Variants in SLC35D4 observed in about 807,000 individuals in gnomAD.
SLC35D4 encodes UDP-N-acetylglucosamine transporter SLC35D4.
At chr18:23,377,145 G>C in the SLC35D4 span, among the ~76,000 whole-genome samples, 1 of 152,198 alleles carries the variant, frequency 6.6e-6, no homozygotes, top group Non-Finnish European at 1.5e-5. Context: ...ACCGGGGTCT[G>C]CATGACAGGA....
the SLC35D4 span, among the ~76,000 whole-genome samples, chr18:23,268,170 A>C: frequency 6.6e-6 from 1 of 152,234 alleles, no homozygotes; most frequent in South Asian, 2.1e-4. Flanking sequence ...GTCCTGAACT[A>C]AAGTCAAGAC....
chr18:23,364,933 A>AAAAAAAAAAAAT, the SLC35D4 span, among the ~76,000 whole-genome samples: 78 of 15,782 alleles, frequency 4.9e-3, 16 homozygotes, highest in African/African-American at 0.015. Flanking sequence ...AAAAAAAAAA[A>AAAAAAAAAAAAT]GGACTCCTTT....
chr18:23,385,179 A>G, the SLC35D4 span: 3 of 923,444 alleles, frequency 3.2e-6, no homozygotes, highest in East Asian at 5.4e-5. Context: ...TGGCATCCAC[A>G]TATATAATCA....
At chr18:23,427,489 G>C in the SLC35D4 span, among the ~76,000 whole-genome samples, 1 of 152,064 alleles carries the variant, frequency 6.6e-6, no homozygotes, top group African/African-American at 2.4e-5. Context: ...ACACCAGTTA[G>C]AATGGCGATC....
chr18:23,260,905 G>A, the SLC35D4 span, among the ~76,000 whole-genome samples: 1 of 152,148 alleles, frequency 6.6e-6, no homozygotes, highest in Non-Finnish European at 1.5e-5. Flanking sequence ...TTCAAAGCTG[G>A]AAAAGAAGAA....
chr18:23,325,987 G>C, the SLC35D4 span, among the ~76,000 whole-genome samples: 2 of 152,356 alleles, frequency 1.3e-5, no homozygotes, highest in East Asian at 3.9e-4. Flanking sequence ...ATGCATTTCA[G>C]AATCCCCTTG....
chr18:23,313,445 G>A, the SLC35D4 span, among the ~76,000 whole-genome samples: 1 of 151,898 alleles, frequency 6.6e-6, no homozygotes, highest in Admixed American at 6.6e-5. Flanking sequence ...GGCTTACAAA[G>A]GAATGCACTG....
the SLC35D4 span, among the ~76,000 whole-genome samples, chr18:23,263,476 GA>G: frequency 2.6e-5 from 4 of 152,246 alleles, no homozygotes; most frequent in Non-Finnish European, 4.4e-5. Flanking sequence ...GAAATGTTTG[GA>G]AAACTTGCTT....
the SLC35D4 span, among the ~76,000 whole-genome samples, chr18:23,404,722 T>C: frequency 1.7e-3 from 258 of 148,842 alleles, 1 homozygote; most frequent in African/African-American, 6.1e-3. Context: ...CTCACACTGG[T>C]AATCCCAGCA....
the SLC35D4 span, among the ~76,000 whole-genome samples, chr18:23,368,930 C>A: frequency 6.6e-6 from 1 of 152,184 alleles, no homozygotes; most frequent in Admixed American, 6.5e-5. Context: ...TTAAATCACA[C>A]ACATTTTCAC....
At chr18:23,358,511 C>T in the SLC35D4 span, among the ~76,000 whole-genome samples, 143 of 152,202 alleles carry the variant, frequency 9.4e-4, no homozygotes, top group African/African-American at 3.2e-3. Context: ...AAAACTGACC[C>T]CATAATGAGA....
At chr18:23,340,924 A>T in the SLC35D4 span, among the ~76,000 whole-genome samples, 1 of 152,230 alleles carries the variant, frequency 6.6e-6, no homozygotes, top group African/African-American at 2.4e-5. Flanking sequence ...GAAGTTAACA[A>T]GAGTAAGACA....
chr18:23,359,421 T>C, the SLC35D4 span, among the ~76,000 whole-genome samples: 2 of 151,656 alleles, frequency 1.3e-5, no homozygotes, highest in Admixed American at 1.3e-4. Context: ...CATGTTTTGC[T>C]ACAGCAACAC....
the SLC35D4 span, among the ~76,000 whole-genome samples, chr18:23,413,163 C>T: frequency 6.6e-6 from 1 of 152,218 alleles, no homozygotes; most frequent in Non-Finnish European, 1.5e-5. Flanking sequence ...GCCACCGTGC[C>T]CAGCCTCAAG....
the SLC35D4 span, among the ~76,000 whole-genome samples, chr18:23,248,042 T>C: frequency 6.6e-6 from 1 of 152,158 alleles, no homozygotes; most frequent in Admixed American, 6.5e-5. Context: ...ACAAGGCTGC[T>C]TGTAAAAAAG....
chr18:23,365,500 G>A, the SLC35D4 span: 1 of 978,942 alleles, frequency 1.0e-6, no homozygotes, highest in Non-Finnish European at 1.5e-6. Flanking sequence ...TCAAATAGGT[G>A]GGACCTTCCT....
chr18:23,238,766 C>T, the SLC35D4 span, among the ~76,000 whole-genome samples: 2 of 152,198 alleles, frequency 1.3e-5, no homozygotes, highest in Non-Finnish European at 2.9e-5. Context: ...GTGAGGCTTT[C>T]CTAGTTGATA....
the SLC35D4 span, among the ~76,000 whole-genome samples, chr18:23,375,416 T>C: frequency 7.9e-5 from 12 of 152,180 alleles, no homozygotes; most frequent in Admixed American, 3.3e-4. Flanking sequence ...TATTTATGTA[T>C]GTTTATGCAT....
the SLC35D4 span, among the ~76,000 whole-genome samples, chr18:23,307,729 C>T: frequency 2.0e-5 from 3 of 152,238 alleles, no homozygotes; most frequent in African/African-American, 7.2e-5. Flanking sequence ...CCTTGTGAGT[C>T]ACGGGCTCTG....
Sources: allele counts gnomAD v4.1 joint callset (sites outside exome capture counted in the v4.1 genomes callset), GRCh38; gene constraint gnomAD v4.1.1; transcripts MANE v1.5; gene names NCBI Gene and HGNC (gene_info 2026-07-23, HGNC 2026-07-21).